NR5A2: variants seen among roughly 807,000 people sequenced by gnomAD.
NR5A2 encodes the protein nuclear receptor subfamily 5 group A member 2.
Under a neutral mutation model 62.7 loss-of-function variants are expected in NR5A2, and 26 were observed. That is an observed-to-expected ratio of 0.41 (90% CI 0.30 to 0.58). The LOEUF (loss-of-function observed/expected upper bound fraction) is 0.58, where lower values mean the gene tolerates loss of function less well. Among genes scored for constraint, NR5A2 ranks in the 20% least tolerant of loss-of-function variants. The pLI, the probability that NR5A2 is intolerant of heterozygous loss-of-function variation, is 0.22. For missense variants in NR5A2, 541 were observed against 669.1 expected, an observed-to-expected ratio of 0.81 and a Z score of 2.11; for synonymous variants, 246 against 241.7, an observed-to-expected ratio of 1.02 and a Z score of -0.16.
intron 5 of NR5A2, among the ~76,000 whole-genome samples, chr1:200,100,320 C>CTTTA (rs34615334): frequency 0.23 from 35,381 of 151,668 alleles, 4,585 homozygotes; most frequent in Admixed American, 0.31. Context: ...CATATTTTGC[C>CTTTA]TTTATTTATT....
intron 7 of NR5A2, among the ~76,000 whole-genome samples, chr1:200,171,402 A>G (rs1654173128): frequency 1.3e-5 from 2 of 152,170 alleles, no homozygotes; most frequent in African/African-American, 4.8e-5. Context: ...AATTGCACAT[A>G]TTTCCCAAGT....
At chr1:200,139,029 C>T (rs904035912) in intron 7 of NR5A2, among the ~76,000 whole-genome samples, 3 of 152,096 alleles carry the variant, frequency 2.0e-5, no homozygotes, top group East Asian at 1.9e-4. Context: ...GAGACTTTCC[C>T]GTTCATGAAC....
chr1:200,124,330 C>A (rs1399959106), intron 7 of NR5A2, among the ~76,000 whole-genome samples: 1 of 152,164 alleles, frequency 6.6e-6, no homozygotes, highest in African/African-American at 2.4e-5. Flanking sequence ...AAAAGTCATT[C>A]TTCACTAAAG....
At chr1:200,057,487 CTTT>C in intron 5 of NR5A2, 1 of 222,724 alleles carries the variant, frequency 4.5e-6, no homozygotes, top group East Asian at 1.8e-4. Flanking sequence ...AATTTTTTTT[CTTT>C]TTTTTTGAGA....
At chr1:200,115,441 T>TG (rs1666171662) in intron 6 of NR5A2, among the ~76,000 whole-genome samples, 1 of 152,130 alleles carries the variant, frequency 6.6e-6, no homozygotes, top group African/African-American at 2.4e-5. Context: ...GTTGATATCA[T>TG]GGGAAAAAGT....
At chr1:200,143,692 G>A (rs977624533) in intron 7 of NR5A2, among the ~76,000 whole-genome samples, 1 of 148,298 alleles carries the variant, frequency 6.7e-6, no homozygotes, top group Non-Finnish European at 1.5e-5. Context: ...GCCCAGGCTG[G>A]AGTGCAGTGG....
chr1:200,124,952 C>G (rs751113544), intron 7 of NR5A2, among the ~76,000 whole-genome samples: 9 of 151,702 alleles, frequency 5.9e-5, no homozygotes, highest in Non-Finnish European at 1.3e-4. Flanking sequence ...TAAAGCGAAG[C>G]CTTTACCGAA....
chr1:200,172,158 A>AT (rs574533530), intron 7 of NR5A2, among the ~76,000 whole-genome samples: 225 of 152,332 alleles, frequency 1.5e-3, no homozygotes, highest in African/African-American at 5.1e-3. Flanking sequence ...TTTAATCACT[A>AT]TAATGCAAAA....
At chr1:200,052,766 T>C (rs538178644) in intron 5 of NR5A2, among the ~76,000 whole-genome samples, 301 of 152,138 alleles carry the variant, frequency 2.0e-3, no homozygotes, top group Middle Eastern at 3.4e-3. Context: ...CTCAGCCTCC[T>C]GAGTAGCTGG....
intron 7 of NR5A2, among the ~76,000 whole-genome samples, chr1:200,170,697 C>T (rs1472744392): frequency 2.6e-5 from 4 of 152,206 alleles, no homozygotes; most frequent in African/African-American, 9.7e-5. Flanking sequence ...TTTCCCTTAA[C>T]ACAAAACTGA....
chr1:200,048,428 T>G lies in NR5A2; in HGVS notation c.720T>G (p.Phe240Leu). The G allele has an allele frequency of 6.2e-7, 1 of 1,614,204 alleles. No individual in the cohort carries two copies. Among genetic ancestry groups the G allele is most frequent in the Non-Finnish European group, 8.5e-7 (1 of 1,180,038 alleles). ...CTACAGACTATGACAGAAGTCCCTT[T>G]GTAACATCCCCCATTAGCATGACAA... Reference protein sequence around the residue: ...LPPTDYDRSPFVTSPISMTMP... With the variant: ...LPPTDYDRSPLVTSPISMTMP... The change falls in exon 5 of 8, where the codon TTT becomes TTG. Residue 240 changes from phenylalanine (F) to leucine (L), a missense_variant. Around this residue, in one of 3 missense-constraint regions of NR5A2, gnomAD observed 379 missense variants for 442.0 expected, o/e 0.86. Coordinates refer to ENST00000367362, the MANE Select transcript of NR5A2 (RefSeq NM_205860.3). This position sits in a 1 kb window ranked among gnomAD's most constrained non-coding sequence, Gnocchi z 4.8.
chr1:200,175,577 A>C lies in NR5A2; in HGVS notation c.*1367A>C, dbSNP rs990614152. 22 of 152,826 alleles carry C rather than the reference A, an allele frequency of 1.4e-4. No individual in the cohort carries two copies. Among genetic ancestry groups the C allele is most frequent in the African/African-American group, 5.0e-4 (21 of 41,600 alleles). The allele number at this position is 152,826 out of a possible 1,614,324, so 9.5% of individuals were successfully genotyped here. A position where few individuals can be genotyped will look rare whatever the true frequency, so the allele number is the denominator to read the frequency against. On this transcript the variant is annotated 3_prime_UTR_variant, in exon 8 of 8. Transcript: ENST00000367362. ...AAGGTAGCTGTGCAGATGTGGATCAACATTTGTTTAAAATAAAGTATTAAT... is the reference window on the plus strand; with the variant it reads ...AAGGTAGCTGTGCAGATGTGGATCACCATTTGTTTAAAATAAAGTATTAAT...
At chr1:200,046,659 GA>G (rs1435073414) in intron 4 of NR5A2, among the ~76,000 whole-genome samples, 1 of 152,224 alleles carries the variant, frequency 6.6e-6, no homozygotes, top group African/African-American at 2.4e-5. Context: ...TCATTTTTAA[GA>G]GATCATGAAA....
intron 7 of NR5A2, among the ~76,000 whole-genome samples, chr1:200,125,900 G>A (rs1490928512): frequency 1.3e-5 from 2 of 151,980 alleles, no homozygotes; most frequent in Non-Finnish European, 2.9e-5. Context: ...CCAGGCTGGA[G>A]TGTAGTGGCA....
rs145788966 is a variant in NR5A2 at position 200,055,448 on chromosome 1, G to A, written c.1110+6630G>A. On this transcript the variant is annotated intron_variant, in intron 5 of 7. Coordinates refer to ENST00000367362, the MANE Select transcript of NR5A2 (RefSeq NM_205860.3). ...TGACCTCAGGTGATCCACTAGCCTC[G>A]GCATCCCAAAGTTTACAGGCGTGAA... Among the ~76,000 whole-genome samples, 454 of 152,056 alleles carry A rather than the reference G, an allele frequency of 3.0e-3. 4 individuals are homozygous for A. Among genetic ancestry groups the A allele is most frequent in the African/African-American group, 9.6e-3 (398 of 41,464 alleles).
At chr1:200,100,993 T>G (rs1051141887) in intron 5 of NR5A2, among the ~76,000 whole-genome samples, 1 of 152,228 alleles carries the variant, frequency 6.6e-6, no homozygotes, top group African/African-American at 2.4e-5. Flanking sequence ...TTTATTTCCC[T>G]TTATCCTCAT....
chr1:200,033,058 G>T (rs766640808), intron 1 of NR5A2, among the ~76,000 whole-genome samples: 4 of 152,214 alleles, frequency 2.6e-5, no homozygotes, highest in Non-Finnish European at 5.9e-5. Context: ...AGGGAGTGGT[G>T]TATGGAAAGC....
chr1:200,088,288 G>C (rs1237508798), intron 5 of NR5A2, among the ~76,000 whole-genome samples: 1 of 150,166 alleles, frequency 6.7e-6, no homozygotes, highest in Non-Finnish European at 1.5e-5. Context: ...CATCCCACTT[G>C]CTCTTGTTGC....
intron 7 of NR5A2, among the ~76,000 whole-genome samples, chr1:200,142,417 C>T (rs569299063): frequency 6.6e-6 from 1 of 151,710 alleles, no homozygotes; most frequent in East Asian, 1.9e-4. Context: ...AGGTTGGTCT[C>T]GAACTCCTGA....
Sources: allele counts gnomAD v4.1 joint callset (sites outside exome capture counted in the v4.1 genomes callset), GRCh38; gene constraint gnomAD v4.1.1; regional missense constraint gnomAD v4.1.1; non-coding constraint Gnocchi (gnomAD v3.1); transcripts MANE v1.5; gene names NCBI Gene and HGNC (gene_info 2026-07-23, HGNC 2026-07-21).